Variants in COX16 observed in about 807,000 individuals in gnomAD.
The protein encoded by COX16 is cytochrome c oxidase assembly factor COX16, also known as cytochrome c oxidase assembly protein COX16 homolog, mitochondrial.
Under a neutral mutation model 15.4 loss-of-function variants are expected in COX16, and 12 were observed. The ratio of observed to expected loss-of-function variants is 0.78; its 90% confidence interval spans 0.50 to 1.26. The LOEUF (loss-of-function observed/expected upper bound fraction) is 1.26, where lower values mean the gene tolerates loss of function less well. Among genes scored for constraint, COX16 ranks in the 50% most tolerant of loss-of-function variants. COX16 has a pLI of 0.00. For missense variants in COX16, 124 were observed against 127.6 expected, an observed-to-expected ratio of 0.97 and a Z score of 0.14; for synonymous variants, 46 against 41.1, an observed-to-expected ratio of 1.12 and a Z score of -0.46.
At chr14:70,328,072 A>ATTTTTTTGTTTTTTTTTTTTTT (rs1886143379) in intron 3 of COX16, 1 of 80,840 alleles carries the variant, frequency 1.2e-5, no homozygotes, top group Non-Finnish European at 2.2e-5. Flanking sequence ...TGAGAATAAG[A>ATTTTTTTGTTTTTTTTTTTTTT]TTTTTTTTTT....
Position 70,350,085 on chromosome 14 carries a change from T to C in COX16, c.70-7356A>G, listed in dbSNP as rs185502536. On this transcript the variant is annotated intron_variant, in intron 1 of 3. Transcript: ENST00000389912. ...CCCTTTTCCCTTTTCTATAACCAAA[T>C]AGACAGGAATGTAAGATTCTCCCCG... Among the ~76,000 whole-genome samples, 32 of 152,190 alleles carry C rather than the reference T, an allele frequency of 2.1e-4. No individual in the cohort carries two copies. The East Asian group carries it at 6.0e-3, about 28-fold the overall frequency.
intron 2 of COX16, among the ~76,000 whole-genome samples, chr14:70,339,929 C>A (rs1886574158): frequency 6.6e-6 from 1 of 152,180 alleles, no homozygotes; most frequent in Non-Finnish European, 1.5e-5. Flanking sequence ...CTTCAACTGA[C>A]CTTGTCCTCA....
chr14:70,335,346 T>G (rs1886417588), intron 2 of COX16, among the ~76,000 whole-genome samples: 1 of 152,146 alleles, frequency 6.6e-6, no homozygotes, highest in Non-Finnish European at 1.5e-5. Context: ...CTAGACCAAA[T>G]GGACCTAAGA....
intron 2 of COX16, among the ~76,000 whole-genome samples, chr14:70,337,276 A>G (rs905567939): frequency 2.0e-5 from 3 of 152,112 alleles, no homozygotes; most frequent in Non-Finnish European, 4.4e-5. Flanking sequence ...TTATTTATAA[A>G]CAACTATAGA....
Position 70,326,233 on chromosome 14 carries a change from C to T in COX16, c.*100G>A. ...TTACCCATATCCAAGTTTCCATGGG[C>T]CTGGAATTTCCTTTCCACTTGATAG... On this transcript the variant is annotated 3_prime_UTR_variant, in exon 4 of 4. Coordinates refer to ENST00000389912, the MANE Select transcript of COX16 (RefSeq NM_016468.7). 2 of 977,302 alleles carry T rather than the reference C, an allele frequency of 2.0e-6. No individual in the cohort carries two copies. Among genetic ancestry groups the T allele is most frequent in the African/African-American group, 1.7e-5 (1 of 58,720 alleles). 60.5% of individuals were successfully genotyped at this position (977,302 alleles called of 1,614,324 possible). A position where few individuals can be genotyped will look rare whatever the true frequency, so the allele number is the denominator to read the frequency against.
chr14:70,333,028 A>C (rs61977508), intron 2 of COX16, among the ~76,000 whole-genome samples: 10,772 of 152,274 alleles, frequency 0.071, 437 homozygotes, highest in Middle Eastern at 0.12. Context: ...GGGCTGAGGC[A>C]GCTCAGGTGG....
chr14:70,334,515 T>C (rs1886388076), intron 2 of COX16, among the ~76,000 whole-genome samples: 1 of 152,186 alleles, frequency 6.6e-6, no homozygotes, highest in South Asian at 2.1e-4. Flanking sequence ...AGACTCCATC[T>C]CAAAAATAAA....
intron 1 of COX16, among the ~76,000 whole-genome samples, chr14:70,353,182 A>T (rs1159727520): frequency 6.7e-6 from 1 of 150,082 alleles, no homozygotes; most frequent in Non-Finnish European, 1.5e-5. Context: ...AATCGCTTGA[A>T]TCTGGGAGGT....
rs951179712 is a variant in COX16, at chr14:70,332,256, T to A, written c.142-3020A>T. ...GCTGCAGGTCCCAGCTCAGAGCTGT[T>A]TACACAAGGACCCAAAGGGAGACTC... On this transcript the variant is annotated intron_variant, in intron 2 of 3. Transcript: ENST00000389912. Among the ~76,000 whole-genome samples the A allele has an allele frequency of 5.9e-5, 9 of 152,334 alleles. No individual in the cohort carries two copies. In the East Asian group the frequency reaches 1.7e-3, roughly 29 times the overall value.
chr14:70,347,412 T>C (rs1359494861), intron 1 of COX16, among the ~76,000 whole-genome samples: 1 of 152,136 alleles, frequency 6.6e-6, no homozygotes, highest in African/African-American at 2.4e-5. Context: ...CACAATTCCT[T>C]TACACCCTGA....
At position 70,343,421 on chromosome 14, in the gene COX16, T is replaced by C. The variant is rs533654870; in HGVS notation, c.70-692A>G. ...TTTTTTGTTTAAGGTTTTCCTTCTT[T>C]TCGTACTATGATTACACAAGGTAAA... On this transcript the variant is annotated intron_variant, in intron 1 of 3. Transcript: ENST00000389912. 1.4e-4 allele frequency among the ~76,000 whole-genome samples: 21 copies of C among 152,358 alleles called. No homozygotes were observed. The South Asian group carries it at 4.3e-3, about 32-fold the overall frequency.
intron 3 of COX16, among the ~76,000 whole-genome samples, chr14:70,327,960 CA>C (rs1335495352): frequency 6.6e-6 from 1 of 151,964 alleles, no homozygotes; most frequent in Non-Finnish European, 1.5e-5. Flanking sequence ...ATGGAGTTTC[CA>C]GGCCTGCCAG....
intron 1 of COX16, among the ~76,000 whole-genome samples, chr14:70,358,222 G>A (rs1363133461): frequency 6.6e-6 from 1 of 152,046 alleles, no homozygotes; most frequent in Admixed American, 6.6e-5. Context: ...TTAAGAGGCA[G>A]GAAGAAATGG....
At chr14:70,330,520 AAAT>A (rs1338266845) in intron 2 of COX16, among the ~76,000 whole-genome samples, 3 of 152,184 alleles carry the variant, frequency 2.0e-5, no homozygotes, top group Admixed American at 2.0e-4. Context: ...TTTCACAAGA[AAAT>A]AAAAATAACA....
At chr14:70,345,075 T>C (rs1886736112) in intron 1 of COX16, among the ~76,000 whole-genome samples, 1 of 152,090 alleles carries the variant, frequency 6.6e-6, no homozygotes, top group Non-Finnish European at 1.5e-5. Context: ...CTGGTCCACG[T>C]CCCCTGTGAA....
In COX16 at chr14:70,345,492, C is replaced by T. The variant is rs925956742; in HGVS notation, c.70-2763G>A. On this transcript the variant is annotated intron_variant, in intron 1 of 3. Transcript: ENST00000389912. The stretch of plus-strand genomic sequence containing the variant: ...GTCCTCCATTCCAAACAACAGCCCT[C>T]TAGGCTGCTTCATAAAAAACCTGCA... Among the ~76,000 whole-genome samples the T allele has an allele frequency of 2.9e-4, 44 of 152,300 alleles. 1 individual carries two copies. The highest frequency in any genetic ancestry group is 1.6e-3 in the Admixed American group (25 of 15,306).
At chr14:70,354,215 T>C (rs1887055743) in intron 1 of COX16, among the ~76,000 whole-genome samples, 1 of 152,082 alleles carries the variant, frequency 6.6e-6, no homozygotes, top group South Asian at 2.1e-4. Flanking sequence ...AAAAACAACA[T>C]AAAATCAAAA....
At chr14:70,336,998 G>T (rs972703870) in intron 2 of COX16, among the ~76,000 whole-genome samples, 1 of 152,152 alleles carries the variant, frequency 6.6e-6, no homozygotes, top group Admixed American at 6.5e-5. Flanking sequence ...AGAGTTGAAA[G>T]CCCATTTTTT....
chr14:70,326,297 T>TA lies in COX16; in HGVS notation c.*35_*36insT, dbSNP rs1291462673. 6.4e-6 allele frequency: 9 copies of TA among 1,398,880 alleles called. No individual in the cohort carries two copies. Among genetic ancestry groups the TA allele is most frequent in the South Asian group, 1.5e-5 (1 of 64,566 alleles). 86.7% of individuals were successfully genotyped at this position (1,398,880 alleles called of 1,614,324 possible). On this transcript the variant is annotated 3_prime_UTR_variant, in exon 4 of 4. Coordinates refer to ENST00000389912, the MANE Select transcript of COX16 (RefSeq NM_016468.7). ...GAAGTCCAGTTAATAATATTTTTATTTAAAAAAAAAAAAAAGGAAAAAAGA... is the reference window on the plus strand; with the variant it reads ...GAAGTCCAGTTAATAATATTTTTATTATAAAAAAAAAAAAAAGGAAAAAAGA...
Sources: gnomAD v4.1 joint callset for allele counts (sites outside exome capture counted in the v4.1 genomes callset) on GRCh38, gnomAD v4.1.1 for gene constraint, MANE v1.5 for transcripts, NCBI Gene and HGNC (gene_info 2026-07-23, HGNC 2026-07-21) for gene names.